Variants in IPPK observed in about 807,000 individuals in gnomAD.
IPPK encodes IPK1 homolog.
Under a neutral mutation model 64.6 loss-of-function variants are expected in IPPK, and 22 were observed. That is an observed-to-expected ratio of 0.34 (90% CI 0.24 to 0.49). The LOEUF (loss-of-function observed/expected upper bound fraction) is 0.49. Among genes scored for constraint, IPPK ranks in the 20% least tolerant of loss-of-function variants. IPPK has a pLI of 0.99. For synonymous variants in IPPK, 262 were observed against 247.2 expected (o/e 1.06, Z -0.56); for missense variants, 532 against 630.7 (o/e 0.84, Z 1.68).
intron 1 of IPPK, among the ~76,000 whole-genome samples, chr9:92,660,372 A>G (rs903260497): frequency 2.0e-5 from 3 of 152,224 alleles, no homozygotes; most frequent in Non-Finnish European, 4.4e-5. Context: ...CCAGGCTGCC[A>G]TGGTGCAAGC....
chr9:92,638,378 G>C, intron 8 of IPPK, 98 bp from the exon 9 acceptor site: 1 of 1,402,624 alleles, frequency 7.1e-7, no homozygotes, highest in Non-Finnish European at 9.8e-7. Context: ...GCGGGTGAAA[G>C]CCAAGGGCCC....
intron 2 of IPPK, among the ~76,000 whole-genome samples, chr9:92,657,729 C>G (rs1021712333): frequency 1.3e-5 from 2 of 152,104 alleles, no homozygotes; most frequent in African/African-American, 4.8e-5. Context: ...CTGCCTGCCT[C>G]GACCCCACAC....
intron 12 of IPPK, chr9:92,617,974 C>A: frequency 3.0e-6 from 1 of 333,782 alleles, no homozygotes. Context: ...CTGTGAGCTG[C>A]AAATTAGTCT....
In IPPK at chr9:92,629,860, G is replaced by A. The variant is rs140229340; in HGVS notation, c.1170+4526C>T. ...GATACCACTGCACACTCTCGACGACGGCTAAAATCAAAAGGACAAGTAATA... is the reference window on the plus strand; with the variant it reads ...GATACCACTGCACACTCTCGACGACAGCTAAAATCAAAAGGACAAGTAATA... On this transcript the variant is annotated intron_variant, in intron 11 of 12. Transcript: ENST00000287996. Among the ~76,000 whole-genome samples, 607 of 152,194 alleles carry A rather than the reference G, an allele frequency of 4.0e-3. 4 individuals are homozygous for A. Among genetic ancestry groups the A allele is most frequent in the African/African-American group, 0.014 (569 of 41,524 alleles).
intron 11 of IPPK, among the ~76,000 whole-genome samples, chr9:92,629,629 A>G (rs1205217655): frequency 6.6e-6 from 1 of 151,184 alleles, no homozygotes; most frequent in Non-Finnish European, 1.5e-5. Flanking sequence ...GTGTGCACTT[A>G]TAGTTAGTCC....
Position 92,615,794 on chromosome 9 carries a change from C to T in IPPK, c.*38G>A, listed in dbSNP as rs752691793. 4.1e-6 allele frequency: 6 copies of T among 1,471,280 alleles called. No individual in the cohort carries two copies. Among genetic ancestry groups the T allele is most frequent in the African/African-American group, 1.4e-5 (1 of 72,072 alleles). 91.1% of individuals were successfully genotyped at this position (1,471,280 alleles called of 1,614,324 possible). A position where few individuals can be genotyped will look rare whatever the true frequency, so the allele number is the denominator to read the frequency against. ...AAATATCTCTATCATTCAGCCTTCA[C>T]ATTATGTTCAAGTTTCAAAGACACT... On this transcript the variant is annotated 3_prime_UTR_variant, in exon 13 of 13. Transcript: ENST00000287996.
intron 11 of IPPK, among the ~76,000 whole-genome samples, chr9:92,623,088 G>A (rs2131421042): frequency 6.6e-6 from 1 of 152,212 alleles, no homozygotes. Flanking sequence ...AAAAAGACTG[G>A]TAAATTAGGC....
At chr9:92,632,918 G>T (rs934792625) in intron 11 of IPPK, among the ~76,000 whole-genome samples, 1 of 152,208 alleles carries the variant, frequency 6.6e-6, no homozygotes, top group Non-Finnish European at 1.5e-5. Context: ...GGGGAGGAGC[G>T]CCAGCTCGCT....
In IPPK at chr9:92,615,518, C is replaced by T. The variant is rs1034753303; in HGVS notation, c.*314G>A. The T allele has an allele frequency of 2.4e-5, 7 of 287,690 alleles. No individual in the cohort carries two copies. The highest frequency in any genetic ancestry group is 9.2e-5 in the South Asian group (2 of 21,756). The allele number at this position is 287,690 out of a possible 1,614,324, so 17.8% of individuals were successfully genotyped here. ...CCTTGGGTCTTAGAATAAGGCTTTT[C>T]GCATTAGAGAATCAGACATGAGCCC... On this transcript the variant is annotated 3_prime_UTR_variant, in exon 13 of 13. Transcript: ENST00000287996.
chr9:92,663,679 G>A (rs1391473963), intron 1 of IPPK, among the ~76,000 whole-genome samples: 1 of 152,208 alleles, frequency 6.6e-6, no homozygotes, highest in Non-Finnish European at 1.5e-5. Flanking sequence ...GGCACCTTAT[G>A]GGTGGAATTA....
Position 92,638,644 on chromosome 9 carries a change from T to C in IPPK, c.637-364A>G, listed in dbSNP as rs533616588. 9.2e-5 allele frequency among the ~76,000 whole-genome samples: 14 copies of C among 152,344 alleles called. No homozygotes were observed. In the East Asian group the frequency reaches 2.1e-3, roughly 23 times the overall value. On this transcript the variant is annotated intron_variant, in intron 8 of 12. Coordinates refer to ENST00000287996, the MANE Select transcript of IPPK (RefSeq NM_022755.6). ...CCACCAGCCCAGTTACTCAAGAACC[T>C]GAGGGCCTTGGCTCTGGCCCTGAGC...
intron 5 of IPPK, 100 bp downstream of exon 5, chr9:92,649,353 C>T: frequency 2.1e-6 from 3 of 1,428,300 alleles, no homozygotes; most frequent in Non-Finnish European, 9.7e-7. Flanking sequence ...CTACCACTCA[C>T]TTCAGTGGGA....
chr9:92,650,005 A>G (rs1272211272), intron 4 of IPPK, among the ~76,000 whole-genome samples: 9 of 144,256 alleles, frequency 6.2e-5, no homozygotes, highest in African/African-American at 2.3e-4. Context: ...CAGCCTGGGC[A>G]ACAGAGCAAG....
In IPPK at chr9:92,656,549, G is replaced by C. The variant is rs377506868; in HGVS notation, c.132C>G (p.Thr44=). Residue 44 remains threonine (T), a splice_region_variant and synonymous_variant, in exon 3 of 13, where the codon ACC becomes ACG. Transcript: ENST00000287996. The part of the protein sequence containing the change: ...FLKFPPNRKK[T]SEEIFQHLQN... Reference sequence around the variant, plus strand: ...GCAGGTGTTGAAATATCTCTTCCGAGGTCTGTAAGAGACAACCACAGGACA... The same window carrying C: ...GCAGGTGTTGAAATATCTCTTCCGACGTCTGTAAGAGACAACCACAGGACA... 6.2e-7 allele frequency: 1 copy of C among 1,605,136 alleles called. No homozygotes were observed. Among genetic ancestry groups the C allele is most frequent in the African/African-American group, 1.3e-5 (1 of 74,684 alleles).
At chr9:92,627,384 A>C (rs1851753050) in intron 11 of IPPK, among the ~76,000 whole-genome samples, 1 of 152,300 alleles carries the variant, frequency 6.6e-6, no homozygotes, top group South Asian at 2.1e-4. Context: ...CCCCGATCCC[A>C]AAAACAAAGA....
chr9:92,642,727 G>T, intron 7 of IPPK, 25 bp downstream of exon 7: 1 of 1,608,926 alleles, frequency 6.2e-7, no homozygotes, highest in Non-Finnish European at 8.5e-7. Context: ...TGACACAAGG[G>T]GGCAAAGGAG....
intron 12 of IPPK, chr9:92,617,311 G>C (rs573762879): frequency 6.6e-6 from 1 of 152,192 alleles, no homozygotes; most frequent in Non-Finnish European, 1.5e-5. Context: ...CTAGGGTTAC[G>C]TATTTTAAAG....
intron 1 of IPPK, among the ~76,000 whole-genome samples, chr9:92,669,684 G>A (rs1223418824): frequency 6.6e-6 from 1 of 151,812 alleles, no homozygotes; most frequent in African/African-American, 2.4e-5. Context: ...AGGATCTGGG[G>A]CAATGGGAGA....
At chr9:92,640,574 G>A (rs1025988002) in intron 8 of IPPK, 136 bp downstream of exon 8, 6 of 705,946 alleles carry the variant, frequency 8.5e-6, no homozygotes, top group Admixed American at 2.0e-5. Flanking sequence ...GACTGAACCA[G>A]TCAGGGCATG....
Sources: allele counts gnomAD v4.1 joint callset (sites outside exome capture counted in the v4.1 genomes callset), GRCh38; gene constraint gnomAD v4.1.1; transcripts MANE v1.5; gene names NCBI Gene and HGNC (gene_info 2026-07-23, HGNC 2026-07-21).